The following MTSS1 variants were observed in gnomAD, a reference collection of about 807,000 sequenced individuals.
MTSS1 encodes the protein MTSS I-BAR domain containing 1.
A neutral mutation model predicts 79.0 loss-of-function variants in MTSS1; 18 were observed. That is an observed-to-expected ratio of 0.23 (90% CI 0.16 to 0.34). The LOEUF is 0.34. Ranked by LOEUF, MTSS1 falls within the 10% of genes least tolerant of loss-of-function variation. The probability of loss-of-function intolerance (pLI) is 1.00; values close to 1 mark genes in which losing one functional copy is unlikely to be tolerated. For missense variants in MTSS1, 815 were observed against 986.2 expected (o/e 0.83, Z 2.33); for synonymous variants, 341 against 368.6 (o/e 0.93, Z 0.86).
At chr8:124,589,753 T>C (rs1831509434) in intron 4 of MTSS1, 42 bp from the exon 5 acceptor site, 1 of 1,317,366 alleles carries the variant, frequency 7.6e-7, no homozygotes, top group South Asian at 1.2e-5. Flanking sequence ...ATTAAATAGA[T>C]ACATTCTGTT....
intron 3 of MTSS1, among the ~76,000 whole-genome samples, chr8:124,595,513 A>G (rs1282561100): frequency 6.6e-6 from 1 of 152,046 alleles, no homozygotes; most frequent in Non-Finnish European, 1.5e-5. Flanking sequence ...CAGCGGTGCA[A>G]TCTACTCCCT....
In MTSS1 at chr8:124,557,851, T is replaced by C. The variant is rs749355146; in HGVS notation, c.1060A>G (p.Ser354Gly). The C allele has an allele frequency of 1.3e-6, 2 of 1,579,286 alleles. No homozygotes were observed. The highest frequency in any genetic ancestry group is 3.6e-5 in the Admixed American group (2 of 56,248). Residue 354 changes from serine (S) to glycine (G), a missense_variant, in exon 11 of 14, where the codon AGT (serine) becomes GGT (glycine). By Grantham distance (56) the Ser-to-Gly change is moderately conservative (BLOSUM62 0). Around this residue, in one of 2 missense-constraint regions of MTSS1, gnomAD observed 590 missense variants for 620.8 expected, o/e 0.95. Transcript: ENST00000518547. ...CCCACGTGGGACTCACTTGATAAAC[T>C]ATAGTGAGAAAACCCGTTAGACAAC... ...NQLSNGFSHY[S>G]LSSESHVGPT... is the part of the protein sequence containing the mutation.
chr8:124,637,659 C>G (rs13282164), intron 3 of MTSS1, among the ~76,000 whole-genome samples: 1 of 152,154 alleles, frequency 6.6e-6, no homozygotes, highest in Non-Finnish European at 1.5e-5. Context: ...CTCCTCCGTT[C>G]ACACCCTAGA....
chr8:124,589,639 C>T lies in MTSS1; in HGVS notation c.366G>A (p.Leu122=). Residue 122 remains leucine, a synonymous_variant, in exon 5 of 14, where the codon CTG becomes CTA. Coordinates refer to ENST00000518547, the MANE Select transcript of MTSS1 (RefSeq NM_014751.6). The part of the protein sequence containing the change: ...MEEWKKVANQ[L]DKDHAKEYKK... ...CTGTACCTTTTGCGTGGTCTTTATC[C>T]AGCTGGTTGGCCACTTTCTTCCATT... is the stretch of plus-strand genomic sequence containing the variant. 6.2e-7 allele frequency: 1 copy of T among 1,613,348 alleles called. No individual in the cohort carries two copies. The highest frequency in any genetic ancestry group is 8.5e-7 in the Non-Finnish European group (1 of 1,179,664).
In MTSS1 at chr8:124,597,871, C is replaced by A. The variant is rs1833038327; in HGVS notation, c.209-6636G>T. Among the ~76,000 whole-genome samples the A allele has an allele frequency of 6.6e-6, 1 of 152,206 alleles. No homozygotes were observed. The highest frequency in any genetic ancestry group is 1.5e-5 in the Non-Finnish European group (1 of 68,032). On this transcript the variant is annotated intron_variant, in intron 3 of 13. Transcript: ENST00000518547. This position sits in a 1 kb window ranked among gnomAD's most constrained non-coding sequence, Gnocchi z 4.6. ...GAACCAGAGGAGAGGAGAACGCTCT[C>A]AGGCATCTCTGCAGGAGAGGGGTGC...
intron 3 of MTSS1, among the ~76,000 whole-genome samples, chr8:124,614,319 C>T (rs1836442979): frequency 6.6e-6 from 1 of 152,222 alleles, no homozygotes; most frequent in South Asian, 2.1e-4. Context: ...GGACTTGTCA[C>T]ATTTATAAAA....
chr8:124,701,760 T>A (rs1249199049), intron 2 of MTSS1, among the ~76,000 whole-genome samples: 1 of 152,242 alleles, frequency 6.6e-6, no homozygotes, highest in Non-Finnish European at 1.5e-5. Context: ...TCCGCTGTAG[T>A]CACAAGACAT....
intron 3 of MTSS1, among the ~76,000 whole-genome samples, chr8:124,665,520 C>T (rs1822887810): frequency 6.6e-6 from 1 of 152,206 alleles, no homozygotes. Flanking sequence ...CCTGGCCTCT[C>T]ACAGGGCCCT....
At position 124,597,322 on chromosome 8, in the gene MTSS1, G is replaced by A. The variant is rs77415640; in HGVS notation, c.209-6087C>T. Among the ~76,000 whole-genome samples, 2 of 152,302 alleles carry A rather than the reference G, an allele frequency of 1.3e-5. No individual in the cohort carries two copies. Among genetic ancestry groups the A allele is most frequent in the African/African-American group, 2.4e-5 (1 of 41,562 alleles). On this transcript the variant is annotated intron_variant, in intron 3 of 13. Transcript: ENST00000518547. This position sits in a 1 kb window ranked among gnomAD's most constrained non-coding sequence, Gnocchi z 4.6. ...AGCAGTAGAGCCAAAATCCAAGCCT[G>A]CTTCTACGGATACCAAGGGCTCTCT...
rs1275853951 is a variant in MTSS1, at chr8:124,553,307, A to G, written c.1953T>C (p.Gly651=). 1 of 1,613,964 alleles carries G rather than the reference A, an allele frequency of 6.2e-7. No homozygotes were observed. The highest frequency in any genetic ancestry group is 8.5e-7 in the Non-Finnish European group (1 of 1,179,960). Residue 651 remains glycine (G), a synonymous_variant, in exon 14 of 14, where the codon GGT becomes GGC. Coordinates refer to ENST00000518547, the MANE Select transcript of MTSS1 (RefSeq NM_014751.6). The surrounding 1 kb of genome is among the most constrained non-coding windows in gnomAD (Gnocchi z 6.0). ...GEHSPESPSV[G]EGPQGVTSMP... ...TGCTGGTGACACCTTGGGGGCCCTC[A>G]CCCACAGATGGCGACTCAGGGCTGT...
At chr8:124,704,227 C>T (rs762970553) in intron 1 of MTSS1, 36 bp from the exon 2 acceptor site, 23 of 1,557,402 alleles carry the variant, frequency 1.5e-5, no homozygotes, top group Middle Eastern at 1.7e-4. Flanking sequence ...AGTCACACTG[C>T]GATAGACATC....
At chr8:124,638,547 C>T (rs1464798078) in intron 3 of MTSS1, among the ~76,000 whole-genome samples, 1 of 152,190 alleles carries the variant, frequency 6.6e-6, no homozygotes, top group Non-Finnish European at 1.5e-5. Flanking sequence ...CCCTTCGGTA[C>T]AGTGTCAGGA....
Position 124,675,012 on chromosome 8 carries a change from A to T in MTSS1, c.208+24514T>A, listed in dbSNP as rs545994840. Among the ~76,000 whole-genome samples the T allele has an allele frequency of 2.0e-5, 3 of 152,290 alleles. No homozygotes were observed. In the East Asian group the frequency reaches 5.8e-4, roughly 29 times the overall value. ...GCTGGGATTACAGGCATGAGCCACC[A>T]TGTCCGGCCCTCTTAACATTCTTGC... On this transcript the variant is annotated intron_variant, in intron 3 of 13. Coordinates refer to ENST00000518547, the MANE Select transcript of MTSS1 (RefSeq NM_014751.6).
At chr8:124,613,962 G>T (rs988773346) in intron 3 of MTSS1, among the ~76,000 whole-genome samples, 2 of 152,152 alleles carry the variant, frequency 1.3e-5, no homozygotes, top group South Asian at 2.1e-4. Flanking sequence ...AGGAGTTCAA[G>T]ACCAGCTTGG....
At chr8:124,652,057 A>G (rs1398674430) in intron 3 of MTSS1, among the ~76,000 whole-genome samples, 2 of 152,098 alleles carry the variant, frequency 1.3e-5, no homozygotes, top group Non-Finnish European at 2.9e-5. Flanking sequence ...ACCCATTTCA[A>G]CCACCCCAGG....
intron 3 of MTSS1, among the ~76,000 whole-genome samples, chr8:124,602,082 C>T (rs1328996931): frequency 2.7e-5 from 4 of 150,662 alleles, no homozygotes; most frequent in Admixed American, 1.3e-4. Context: ...TTTTGGCTTC[C>T]CTGGGCCACA....
At chr8:124,715,845 G>A (rs1831863835) in intron 1 of MTSS1, among the ~76,000 whole-genome samples, 2 of 152,190 alleles carry the variant, frequency 1.3e-5, no homozygotes, top group African/African-American at 4.8e-5. Context: ...TGCTCACTGG[G>A]TGACCCTGGG....
At chr8:124,652,778 G>C (rs1177657505) in intron 3 of MTSS1, among the ~76,000 whole-genome samples, 4 of 137,238 alleles carry the variant, frequency 2.9e-5, no homozygotes, top group African/African-American at 1.2e-4. Context: ...CTGGGCGACA[G>C]AGCGAGACTC....
rs1826381736 is a variant in MTSS1 at position 124,683,041 on chromosome 8, C to T, written c.208+16485G>A. 1.3e-5 allele frequency among the ~76,000 whole-genome samples: 2 copies of T among 152,184 alleles called. No individual in the cohort carries two copies. Among genetic ancestry groups the T allele is most frequent in the African/African-American group, 4.8e-5 (2 of 41,442 alleles). ...ACCTTTTCAGACCATCTTGGTTCCT[C>T]TCCTGATGTTTCCTAAAGTAGTGAA... On this transcript the variant is annotated intron_variant, in intron 3 of 13. Coordinates refer to ENST00000518547, the MANE Select transcript of MTSS1 (RefSeq NM_014751.6). The surrounding 1 kb of genome is among the most constrained non-coding windows in gnomAD (Gnocchi z 4.5).
Sources: allele counts gnomAD v4.1 joint callset (sites outside exome capture counted in the v4.1 genomes callset), GRCh38; gene constraint gnomAD v4.1.1; regional missense constraint gnomAD v4.1.1; non-coding constraint Gnocchi (gnomAD v3.1); transcripts MANE v1.5; gene names NCBI Gene and HGNC (gene_info 2026-07-23, HGNC 2026-07-21).